The following PYHIN1 variants were observed in gnomAD, a reference collection of about 807,000 sequenced individuals.
PYHIN1 encodes the protein pyrin and HIN domain-containing protein 1.
A neutral mutation model predicts 43.7 loss-of-function variants in PYHIN1; 32 were observed. The observed-to-expected ratio is 0.73, with a 90% CI of 0.55 to 0.98. PYHIN1 has a LOEUF of 0.98. PYHIN1 is among the 50% of genes least tolerant of loss of function. The pLI is 0.00. For missense variants in PYHIN1, 588 were observed against 589.5 expected, an observed-to-expected ratio of 1.00 and a Z score of 0.03; for synonymous variants, 205 against 203.1, an observed-to-expected ratio of 1.01 and a Z score of -0.08.
intron 4 of PYHIN1, chr1:158,939,590 T>TG: frequency 7.1e-7 from 1 of 1,402,348 alleles, no homozygotes; most frequent in Non-Finnish European, 9.9e-7. Context: ...ACATACACCA[T>TG]GCTCCTTTTT....
intron 5 of PYHIN1, 82 bp downstream of exon 5, chr1:158,942,481 C>A (rs1648981915): frequency 2.7e-6 from 3 of 1,125,506 alleles, no homozygotes; most frequent in Non-Finnish European, 3.8e-6. Context: ...TGGAAGTTTG[C>A]ATATTACTTA....
the PYHIN1 span, among the ~76,000 whole-genome samples, chr1:158,987,582 G>A: frequency 1.3e-5 from 2 of 151,888 alleles, no homozygotes; most frequent in East Asian, 1.9e-4. Context: ...TTGTGCATTC[G>A]ATATCATATC....
chr1:158,987,299 T>C, the PYHIN1 span, among the ~76,000 whole-genome samples: 1 of 152,346 alleles, frequency 6.6e-6, no homozygotes, highest in South Asian at 2.1e-4. Context: ...GATTTGCATT[T>C]CCCTGATGAC....
chr1:158,954,475 C>A (rs1371147307), intron 7 of PYHIN1, among the ~76,000 whole-genome samples: 1 of 144,910 alleles, frequency 6.9e-6, no homozygotes, highest in Non-Finnish European at 1.5e-5. Context: ...GAATTTTCAA[C>A]CCAGAATTTC....
chr1:158,945,648 G>T (rs1002997428), intron 7 of PYHIN1, among the ~76,000 whole-genome samples: 2 of 152,162 alleles, frequency 1.3e-5, no homozygotes, highest in African/African-American at 4.8e-5. Flanking sequence ...TAATTTCACA[G>T]AAGTGAACAG....
chr1:158,938,681 A>G, intron 3 of PYHIN1, 139 bp downstream of exon 3: 4 of 805,472 alleles, frequency 5.0e-6, no homozygotes, highest in Non-Finnish European at 7.3e-6. Flanking sequence ...TTACATAATA[A>G]TTGATCATCT....
chr1:158,979,965 A>G (rs567334550), downstream of PYHIN1, among the ~76,000 whole-genome samples: 117 of 152,212 alleles, frequency 7.7e-4, 2 homozygotes, highest in Admixed American at 1.1e-3. Context: ...GCTCCTACTT[A>G]TTAGTAAGAA....
At chr1:158,935,390 A>G (rs1648469495) in intron 1 of PYHIN1, among the ~76,000 whole-genome samples, 1 of 152,196 alleles carries the variant, frequency 6.6e-6, no homozygotes, top group Non-Finnish European at 1.5e-5. Context: ...GCAAATATTG[A>G]AAGATTTCAG....
downstream of PYHIN1, among the ~76,000 whole-genome samples, chr1:158,978,600 G>A (rs1382879601): frequency 6.6e-6 from 1 of 152,038 alleles, no homozygotes; most frequent in African/African-American, 2.4e-5. Flanking sequence ...CATAAACTAG[G>A]TATAATGGAC....
Position 158,948,101 on chromosome 1 carries a change from C to T in PYHIN1, c.1359+3059C>T, listed in dbSNP as rs12569215. 3.9e-4 allele frequency among the ~76,000 whole-genome samples: 60 copies of T among 152,328 alleles called. 2 individuals are homozygous for T. In the East Asian group the frequency reaches 7.7e-3, roughly 20 times the overall value. On this transcript the variant is annotated intron_variant, in intron 7 of 8. Coordinates refer to ENST00000368140, the MANE Select transcript of PYHIN1 (RefSeq NM_152501.5). ...ATCAGGTTCTCTTGACTGAAGCATA[C>T]AGATGTGTGCAGCAACAAGTCTGTT...
chr1:158,957,315 G>T (rs1650002646), intron 7 of PYHIN1, among the ~76,000 whole-genome samples: 1 of 151,808 alleles, frequency 6.6e-6, no homozygotes, highest in South Asian at 2.1e-4. Context: ...TAAGCCAAAA[G>T]AACAAAGCTG....
chr1:158,934,595 A>G (rs1351724702), intron 1 of PYHIN1, among the ~76,000 whole-genome samples: 2 of 152,138 alleles, frequency 1.3e-5, no homozygotes, highest in African/African-American at 4.8e-5. Context: ...CCTTCATTCT[A>G]TGCTTATCAA....
chr1:158,945,166 C>A (rs1310746650), intron 7 of PYHIN1, 124 bp downstream of exon 7: 1 of 990,466 alleles, frequency 1.0e-6, no homozygotes, highest in Non-Finnish European at 1.5e-6. Flanking sequence ...AATTAAATCA[C>A]CCATGTATTT....
chr1:158,953,221 A>G (rs1468187033), intron 7 of PYHIN1, among the ~76,000 whole-genome samples: 3 of 143,840 alleles, frequency 2.1e-5, no homozygotes, highest in Admixed American at 1.4e-4. Context: ...CAAAGCAGCC[A>G]GGAAGCTCGA....
intron 7 of PYHIN1, among the ~76,000 whole-genome samples, chr1:158,969,808 A>G (rs1048376206): frequency 2.6e-5 from 4 of 151,934 alleles, no homozygotes; most frequent in Admixed American, 2.0e-4. Flanking sequence ...TAAATATGTA[A>G]TACAGCCATT....
Position 158,973,739 on chromosome 1 carries a change from C to T in PYHIN1, c.1452C>T (p.Ser484=), listed in dbSNP as rs750354124. Residue 484 remains serine, a synonymous_variant, in exon 8 of 9, where the codon TCC becomes TCT. Transcript: ENST00000368140. ...TVAPPLSSDT[S]TNRHPAVP The stretch of plus-strand genomic sequence containing the variant: ...CCCCTCCTCTTTCTTCTGACACTTC[C>T]ACCAACCGCCATCCAGCAGTTCCTT... 1.9e-6 allele frequency: 3 copies of T among 1,613,044 alleles called. No individual in the cohort carries two copies. Among genetic ancestry groups the T allele is most frequent in the East Asian group, 2.2e-5 (1 of 44,870 alleles).
At chr1:158,975,672 GA>G (rs1167421899) in intron 8 of PYHIN1, among the ~76,000 whole-genome samples, 1 of 151,956 alleles carries the variant, frequency 6.6e-6, no homozygotes, top group Non-Finnish European at 1.5e-5. Context: ...ATGTTCCAGG[GA>G]AAAAACGTGT....
intron 2 of PYHIN1, among the ~76,000 whole-genome samples, chr1:158,937,713 G>A (rs1339912094): frequency 6.6e-6 from 1 of 152,152 alleles, no homozygotes; most frequent in Non-Finnish European, 1.5e-5. Context: ...TTGGGAGGCT[G>A]AGGTGGGTGG....
Position 158,973,666 on chromosome 1 carries a change from G to C in PYHIN1, c.1379G>C (p.Gly460Ala). 4 of 1,612,942 alleles carry C rather than the reference G, an allele frequency of 2.5e-6. No individual in the cohort carries two copies. Among genetic ancestry groups the C allele is most frequent in the Non-Finnish European group, 3.4e-6 (4 of 1,179,318 alleles). ...SFTKKDETHP[G>A]AQSSPANFRI... ...CTCCAGAAGGATGAAACCCACCCAG[G>C]AGCACAGTCATCGCCTGCAAACTTT... Residue 460 changes from glycine to alanine, a missense_variant, in exon 8 of 9, where the codon GGA becomes GCA. Coordinates refer to ENST00000368140, the MANE Select transcript of PYHIN1 (RefSeq NM_152501.5).
Sources: gnomAD v4.1 joint callset for allele counts (sites outside exome capture counted in the v4.1 genomes callset) on GRCh38, gnomAD v4.1.1 for gene constraint, MANE v1.5 for transcripts, NCBI Gene and HGNC (gene_info 2026-07-23, HGNC 2026-07-21) for gene names.